Variants in RPA1 observed in about 807,000 individuals in gnomAD.
RPA1 encodes replication protein A 70 kDa DNA-binding subunit.
A neutral mutation model predicts 83.0 loss-of-function variants in RPA1; 49 were observed. The ratio of observed to expected loss-of-function variants is 0.59; its 90% CI spans 0.47 to 0.75. The LOEUF is 0.75. Ranked by LOEUF, RPA1 falls within the 30% of genes least tolerant of loss-of-function variation. The pLI, the probability that RPA1 is intolerant of heterozygous loss-of-function variation, is 0.00. For missense variants in RPA1, 693 were observed against 776.1 expected, an observed-to-expected ratio of 0.89 and a Z score of 1.27; for synonymous variants, 279 against 281.8, an observed-to-expected ratio of 0.99 and a Z score of 0.10.
At chr17:1,836,695 T>C (rs1911836412) in intron 1 of RPA1, among the ~76,000 whole-genome samples, 2 of 151,742 alleles carry the variant, frequency 1.3e-5, no homozygotes, top group South Asian at 4.2e-4. Context: ...AGGTAGGGTC[T>C]CTGTCACCCA....
intron 1 of RPA1, among the ~76,000 whole-genome samples, chr17:1,834,893 A>G (rs1232144735): frequency 1.3e-5 from 2 of 151,858 alleles, no homozygotes; most frequent in African/African-American, 4.8e-5. Context: ...AAAGGGTCTC[A>G]CTCTGTTGCC....
intron 1 of RPA1, among the ~76,000 whole-genome samples, chr17:1,839,426 A>C (rs2151268605): frequency 6.6e-6 from 1 of 151,454 alleles, no homozygotes; most frequent in East Asian, 2.0e-4. Flanking sequence ...CTCGGGTTCA[A>C]GCGATTCTCC....
At chr17:1,860,498 G>C (rs1209379903) in intron 5 of RPA1, among the ~76,000 whole-genome samples, 1 of 152,130 alleles carries the variant, frequency 6.6e-6, no homozygotes, top group African/African-American at 2.4e-5. Context: ...GGTTTCTCAG[G>C]CAGTGCCTAA....
chr17:1,888,564 G>T, intron 13 of RPA1, 111 bp from the exon 14 acceptor site: 1 of 975,072 alleles, frequency 1.0e-6, no homozygotes. Flanking sequence ...TAATCTTGAG[G>T]ATGTAGAAAC....
At chr17:1,864,700 A>T (rs1396005014) in intron 5 of RPA1, among the ~76,000 whole-genome samples, 1 of 151,910 alleles carries the variant, frequency 6.6e-6, no homozygotes, top group African/African-American at 2.4e-5. Context: ...GGAGTTCAAG[A>T]CCAGCCTGGC....
chr17:1,871,849 C>G (rs1024952431), intron 5 of RPA1, among the ~76,000 whole-genome samples: 1 of 152,150 alleles, frequency 6.6e-6, no homozygotes, highest in African/African-American at 2.4e-5. Flanking sequence ...AGTTCACCAG[C>G]ACTTCATGGT....
intron 4 of RPA1, among the ~76,000 whole-genome samples, chr17:1,845,374 A>T (rs1266705398): frequency 6.6e-6 from 1 of 151,758 alleles, no homozygotes; most frequent in East Asian, 1.9e-4. Context: ...CTCTACAAAA[A>T]AAAAAAAGTT....
chr17:1,840,118 A>T (rs1049378204), intron 1 of RPA1, among the ~76,000 whole-genome samples: 3 of 151,884 alleles, frequency 2.0e-5, no homozygotes, highest in Admixed American at 1.3e-4. Flanking sequence ...AAAAAGAAAA[A>T]GAAAATGAAA....
intron 5 of RPA1, among the ~76,000 whole-genome samples, chr17:1,860,298 C>T (rs1297968485): frequency 3.3e-5 from 5 of 152,080 alleles, no homozygotes; most frequent in African/African-American, 7.2e-5. Context: ...ACGGCAGTGC[C>T]ACCACGCCCG....
At chr17:1,870,562 C>T (rs1251491988) in intron 5 of RPA1, among the ~76,000 whole-genome samples, 1 of 152,192 alleles carries the variant, frequency 6.6e-6, no homozygotes, top group Non-Finnish European at 1.5e-5. Context: ...TCATCACCAT[C>T]CATCTTCAGA....
At chr17:1,849,265 C>T (rs370168872) in intron 4 of RPA1, among the ~76,000 whole-genome samples, 24 of 150,812 alleles carry the variant, frequency 1.6e-4, no homozygotes, top group African/African-American at 5.6e-4. Context: ...TTTACTTTTT[C>T]CCTCCAAATT....
intron 2 of RPA1, among the ~76,000 whole-genome samples, chr17:1,843,444 C>T (rs527708340): frequency 6.6e-6 from 1 of 151,756 alleles, no homozygotes; most frequent in Admixed American, 6.6e-5. Context: ...GGATAAAGGT[C>T]CCGGCTCTGC....
chr17:1,846,585 G>A (rs1382360930), intron 4 of RPA1, among the ~76,000 whole-genome samples: 1 of 152,132 alleles, frequency 6.6e-6, no homozygotes, highest in East Asian at 1.9e-4. Flanking sequence ...CTCCCAAAGT[G>A]CTGGGATTAC....
At chr17:1,843,222 C>G (rs532071744) in intron 2 of RPA1, among the ~76,000 whole-genome samples, 8 of 151,502 alleles carry the variant, frequency 5.3e-5, no homozygotes, top group South Asian at 2.1e-4. Context: ...CTTTTACATT[C>G]TTCAGTTAAC....
chr17:1,853,323 T>C, intron 5 of RPA1, 134 bp downstream of exon 5: 2 of 677,578 alleles, frequency 3.0e-6, no homozygotes, highest in Non-Finnish European at 5.1e-6. Context: ...GGAACCAGGC[T>C]ATTCTGTCAG....
At position 1,895,659 on chromosome 17, in the gene RPA1, G is replaced by GTATTATTTATTTATTTATT. The variant is rs149258342; in HGVS notation, c.1746+568_1746+569insATTTATTTATTTATTTATT. Among the ~76,000 whole-genome samples the GTATTATTTATTTATTTATT allele has an allele frequency of 8.7e-3, 1,239 of 141,802 alleles. 21 individuals carry two copies. The highest frequency in any genetic ancestry group is 0.022 in the East Asian group (107 of 4,844). The allele number at this position is 141,802 out of a possible 152,430, so 93.0% of individuals were successfully genotyped here. A position where few individuals can be genotyped will look rare whatever the true frequency, so the allele number is the denominator to read the frequency against. On this transcript the variant is annotated intron_variant, in intron 16 of 16. Transcript: ENST00000254719. ...CTGAAATTGCCCATAATACCATATA[G>GTATTATTTATTTATTTATT]TATTTATTTATTTATTTATTTATTT...
intron 5 of RPA1, among the ~76,000 whole-genome samples, chr17:1,866,253 A>T (rs1224642857): frequency 6.6e-6 from 1 of 152,034 alleles, no homozygotes; most frequent in Non-Finnish European, 1.5e-5. Flanking sequence ...AAAAACAACA[A>T]AAAAATTTTT....
At chr17:1,892,555 C>G (rs1382492611) in intron 15 of RPA1, among the ~76,000 whole-genome samples, 1 of 152,316 alleles carries the variant, frequency 6.6e-6, no homozygotes, top group Non-Finnish European at 1.5e-5. Flanking sequence ...CCTGAGATGA[C>G]TTAGGTCGGG....
chr17:1,871,800 C>T (rs559557474), intron 5 of RPA1, among the ~76,000 whole-genome samples: 8 of 152,200 alleles, frequency 5.3e-5, no homozygotes, highest in African/African-American at 1.4e-4. Context: ...CTTGACACAC[C>T]TGCTTCCGAA....
Sources: gnomAD v4.1 joint callset for allele counts (sites outside exome capture counted in the v4.1 genomes callset) on GRCh38, gnomAD v4.1.1 for gene constraint, MANE v1.5 for transcripts, NCBI Gene and HGNC (gene_info 2026-07-23, HGNC 2026-07-21) for gene names.